Variants in BMX observed in about 807,000 individuals in gnomAD.
BMX encodes the protein cytoplasmic tyrosine-protein kinase BMX.
BMX carries 31 observed loss-of-function variants against 59.2 expected under a neutral mutation model. The ratio of observed to expected loss-of-function variants is 0.52; its 90% CI spans 0.39 to 0.71. BMX has a LOEUF of 0.71. BMX is among the 30% of genes least tolerant of loss of function. BMX has a pLI of 0.00. For synonymous variants in BMX, 185 were observed against 181.0 expected (o/e 1.02, Z -0.18); for missense variants, 474 against 491.7 (o/e 0.96, Z 0.34).
intron 17 of BMX, among the ~76,000 whole-genome samples, chrX:15,548,966 C>T (rs1926069131): frequency 8.9e-6 from 1 of 111,787 alleles, no homozygotes; most frequent in Admixed American, 9.5e-5. Context: ...AAGTGCTTTA[C>T]GTGTTTTATC....
At position 15,522,329 on chromosome X, in the gene BMX, T is replaced by C; in HGVS notation, c.511-17T>C. 1 of 1,207,709 alleles carries C rather than the reference T, an allele frequency of 8.3e-7. No homozygotes were observed. Among genetic ancestry groups the C allele is most frequent in the African/African-American group, 1.7e-5 (1 of 57,488 alleles). On this transcript the variant is annotated splice_polypyrimidine_tract_variant and intron_variant, in intron 6 of 18. Coordinates refer to ENST00000348343, the MANE Select transcript of BMX (RefSeq NM_203281.3). ...TGTGCCTCACTGTGATGTATTAAAA[T>C]TTCTTCCCCTCCAAAGCTGAAGATA...
At position 15,516,391 on chromosome X, in the gene BMX, C is replaced by T. The variant is rs764578418; in HGVS notation, c.445+160C>T. 1.7e-3 allele frequency among the ~76,000 whole-genome samples: 191 copies of T among 112,513 alleles called. 1 individual carries two copies. The highest frequency in any genetic ancestry group is 5.9e-3 in the African/African-American group (184 of 31,043). ...GCAGATGCTATGTGACAAATGAAAT[C>T]TCATTCTAGGGTCAATTGAGTCATG... On this transcript the variant is annotated intron_variant, in intron 5 of 18. Transcript: ENST00000348343.
Position 15,549,729 on chromosome X carries a change from C to T in BMX, c.1796-111C>T, listed in dbSNP as rs1037709118. ...ACTCATTTCCCAGGGATCCCTCACT[C>T]TGACCCATAGCCTTCCTGACCTGTT... On this transcript the variant is annotated intron_variant, in intron 17 of 18. Transcript: ENST00000348343. The T allele has an allele frequency of 3.3e-6, 3 of 917,940 alleles. No individual in the cohort carries two copies. In the African/African-American group the frequency reaches 5.9e-5, roughly 18 times the overall value. The allele number at this position is 917,940 out of a possible 1,213,427, so 75.6% of individuals were successfully genotyped here.
intron 9 of BMX, among the ~76,000 whole-genome samples, chrX:15,528,395 A>C (rs1039451750): frequency 3.6e-5 from 4 of 112,375 alleles, no homozygotes; most frequent in Non-Finnish European, 7.5e-5. Flanking sequence ...ACAGTGGCAC[A>C]TGCCTATAAT....
chrX:15,534,167 CTTTA>C (rs1278718039), intron 11 of BMX, 41 bp from the exon 12 acceptor site: 4 of 1,070,168 alleles, frequency 3.7e-6, no homozygotes, highest in Middle Eastern at 3.0e-4. Context: ...CTTAATCAAG[CTTTA>C]TTGTTTATTT....
chrX:15,548,105 A>AT (rs1926028629), intron 17 of BMX, among the ~76,000 whole-genome samples: 1 of 112,393 alleles, frequency 8.9e-6, no homozygotes, highest in Non-Finnish European at 1.9e-5. Context: ...CAAAGATAGC[A>AT]TTTTGGTGAA....
intron 17 of BMX, among the ~76,000 whole-genome samples, chrX:15,549,599 C>T (rs990902220): frequency 1.8e-5 from 2 of 111,677 alleles, no homozygotes; most frequent in Non-Finnish European, 3.8e-5. Flanking sequence ...CACCCACTTT[C>T]CAGCAAGCAC....
chrX:15,529,661 T>C (rs1924971562), intron 9 of BMX, among the ~76,000 whole-genome samples: 1 of 112,787 alleles, frequency 8.9e-6, no homozygotes, highest in Admixed American at 9.4e-5. Context: ...TTCATAGGTC[T>C]AATCTCTAGC....
rs765903408 is a variant in BMX at position 15,520,769 on chromosome X, C to G, written c.511-1577C>G. On this transcript the variant is annotated intron_variant, in intron 6 of 18. Coordinates refer to ENST00000348343, the MANE Select transcript of BMX (RefSeq NM_203281.3). ...GAGTATTCAGTAGAGGGCTTATTTT[C>G]TGAATGGAGGAAATAAAAATCAGCT... 4.5e-5 allele frequency among the ~76,000 whole-genome samples: 5 copies of G among 110,845 alleles called. No individual in the cohort carries two copies. The South Asian group carries it at 1.9e-3, about 42-fold the overall frequency.
At position 15,533,899 on chromosome X, in the gene BMX, T is replaced by C. The variant is rs764266833; in HGVS notation, c.1020-313T>C. Among the ~76,000 whole-genome samples, 8 of 111,560 alleles carry C rather than the reference T, an allele frequency of 7.2e-5. No individual in the cohort carries two copies. In the East Asian group the frequency reaches 1.4e-3, roughly 20 times the overall value. On this transcript the variant is annotated intron_variant, in intron 11 of 18. Coordinates refer to ENST00000348343, the MANE Select transcript of BMX (RefSeq NM_203281.3). ...CTGAAGAACTACAAGCCTCTCTCGA[T>C]CATCAAAGAAAGATTCCAGTTTTAT... is the stretch of plus-strand genomic sequence containing the variant.
chrX:15,509,353 A>C lies in BMX; in HGVS notation c.163A>C (p.Ile55Leu). 8.3e-7 allele frequency: 1 copy of C among 1,206,936 alleles called. No homozygotes were observed. Among genetic ancestry groups the C allele is most frequent in the African/African-American group, 1.7e-5 (1 of 57,264 alleles). ...KMKRGSRKGS[I>L]EIKKIRCVEK... is the part of the protein sequence containing the mutation. ...GAAAAGGGGCAGCAGAAAAGGATCC[A>C]TTGAAATTAAGAAAATCAGATGTGT... Residue 55 changes from isoleucine to leucine, a missense_variant, in exon 3 of 19, where the codon ATT becomes CTT. Coordinates refer to ENST00000348343, the MANE Select transcript of BMX (RefSeq NM_203281.3).
intron 16 of BMX, among the ~76,000 whole-genome samples, chrX:15,544,734 T>A (rs1334923585): frequency 9.0e-6 from 1 of 111,249 alleles, no homozygotes; most frequent in Non-Finnish European, 1.9e-5. Flanking sequence ...GCCATGAGCA[T>A]CCCCAAACCA....
chrX:15,527,218 C>A (rs901087183), intron 9 of BMX, among the ~76,000 whole-genome samples: 3,394 of 22,431 alleles, frequency 0.15, 283 homozygotes, highest in African/African-American at 0.36. Flanking sequence ...AAAAAAAAAA[C>A]AACACAAACA....
In BMX at chrX:15,529,677, C is replaced by T. The variant is rs143278921; in HGVS notation, c.885-296C>T. On this transcript the variant is annotated intron_variant, in intron 9 of 18. Coordinates refer to ENST00000348343, the MANE Select transcript of BMX (RefSeq NM_203281.3). ...TCATAGGTCTAATCTCTAGCCCTTA[C>T]TCAAAATGGTAAAATGTAGGAAAAC... Among the ~76,000 whole-genome samples, 696 of 112,586 alleles carry T rather than the reference C, an allele frequency of 6.2e-3. 1 individual carries two copies. The highest frequency in any genetic ancestry group is 0.011 in the Non-Finnish European group (591 of 53,300).
At chrX:15,550,439 G>A (rs1174249123) in intron 18 of BMX, among the ~76,000 whole-genome samples, 1 of 110,386 alleles carries the variant, frequency 9.1e-6, no homozygotes, top group African/African-American at 3.3e-5. Context: ...CTAACCACAC[G>A]TAGAGAACAC....
At chrX:15,553,441 G>A (rs916292866) in intron 18 of BMX, among the ~76,000 whole-genome samples, 5 of 111,672 alleles carry the variant, frequency 4.5e-5, no homozygotes, top group African/African-American at 1.6e-4. Context: ...TTAGCTGTTG[G>A]AAGGGATTCT....
rs1014826742 is a variant in BMX, at chrX:15,526,178, G to T, written c.884+83G>T. ...CTTCCTCAAAGACATTAAAACAGAT[G>T]GCTGAGACCGTCTCAGGAGGCTGTA... On this transcript the variant is annotated intron_variant, in intron 9 of 18. Transcript: ENST00000348343. 3.4e-6 allele frequency: 3 copies of T among 870,157 alleles called. No homozygotes were observed. In the African/African-American group the frequency reaches 6.0e-5, roughly 17 times the overall value. 71.7% of individuals were successfully genotyped at this position (870,157 alleles called of 1,213,427 possible). A position where few individuals can be genotyped will look rare whatever the true frequency, so the allele number is the denominator to read the frequency against.
At chrX:15,526,870 G>A (rs1924762666) in intron 9 of BMX, among the ~76,000 whole-genome samples, 1 of 110,924 alleles carries the variant, frequency 9.0e-6, no homozygotes, top group Admixed American at 9.6e-5. Flanking sequence ...ACAGGCGTGA[G>A]CCACCTCACC....
At chrX:15,546,531 AG>A (rs1925952601) in intron 16 of BMX, among the ~76,000 whole-genome samples, 1 of 112,345 alleles carries the variant, frequency 8.9e-6, no homozygotes, top group African/African-American at 3.2e-5. Flanking sequence ...GGTTATCTTT[AG>A]GGTGGGTTTC....
Sources: allele counts gnomAD v4.1 joint callset (sites outside exome capture counted in the v4.1 genomes callset), GRCh38; gene constraint gnomAD v4.1.1; transcripts MANE v1.5; gene names NCBI Gene and HGNC (gene_info 2026-07-23, HGNC 2026-07-21).